The following TRHDE variants were observed in gnomAD, a reference collection of about 807,000 sequenced individuals.
TRHDE encodes thyrotropin releasing hormone degrading enzyme.
A neutral mutation model predicts 125.7 loss-of-function variants in TRHDE; 72 were observed. The observed-to-expected ratio is 0.57, with a 90% confidence interval of 0.47 to 0.70. The LOEUF (loss-of-function observed/expected upper bound fraction) is 0.70, where lower values mean the gene tolerates loss of function less well. Ranked by LOEUF, TRHDE falls within the 30% of genes least tolerant of loss-of-function variation. The probability of loss-of-function intolerance (pLI) is 0.00; values close to 1 mark genes in which losing one functional copy is unlikely to be tolerated. For missense variants in TRHDE, 1,110 were observed against 1,327.1 expected (o/e 0.84, Z 2.54); for synonymous variants, 509 against 509.1 (o/e 1.00, Z 0.00).
intron 3 of TRHDE, among the ~76,000 whole-genome samples, chr12:72,445,859 T>TC (rs978932451): frequency 6.6e-5 from 10 of 152,012 alleles, no homozygotes; most frequent in African/African-American, 1.2e-4. Context: ...CTTTCTTTTT[T>TC]CCCCCCGGCT....
At chr12:72,295,740 T>G (rs1226427055) in intron 2 of TRHDE, among the ~76,000 whole-genome samples, 1 of 152,206 alleles carries the variant, frequency 6.6e-6, no homozygotes, top group Admixed American at 6.5e-5. Flanking sequence ...AGTCTCATTT[T>G]AATGAGAGAA....
At chr12:72,538,573 T>G (rs1008126814) in intron 6 of TRHDE, among the ~76,000 whole-genome samples, 3 of 151,984 alleles carry the variant, frequency 2.0e-5, no homozygotes, top group Admixed American at 2.0e-4. Context: ...ATTCCCAATT[T>G]ATCTATTCAA....
chr12:72,608,391 G>T (rs543579627), intron 12 of TRHDE, among the ~76,000 whole-genome samples: 10 of 152,048 alleles, frequency 6.6e-5, no homozygotes, highest in Non-Finnish European at 1.5e-4. Flanking sequence ...ACCACATCCT[G>T]GTAATCTATT....
chr12:72,355,310 T>G (rs1050301294), intron 2 of TRHDE, among the ~76,000 whole-genome samples: 1 of 151,526 alleles, frequency 6.6e-6, no homozygotes, highest in Non-Finnish European at 1.5e-5. Flanking sequence ...TTAGAGAAGG[T>G]GTTCAAGATT....
At chr12:72,210,170 TG>T (rs1345664445) in intron 2 of TRHDE, among the ~76,000 whole-genome samples, 4 of 73,956 alleles carry the variant, frequency 5.4e-5, no homozygotes, top group Non-Finnish European at 1.1e-4. Context: ...TCTATAAGAT[TG>T]ATCTATCTAT....
intron 5 of TRHDE, among the ~76,000 whole-genome samples, chr12:72,495,066 T>TG (rs1248833589): frequency 4.4e-5 from 6 of 137,438 alleles, no homozygotes; most frequent in African/African-American, 7.9e-5. Flanking sequence ...CCCCGTTTTT[T>TG]TTTTTTTTTT....
intron 2 of TRHDE, among the ~76,000 whole-genome samples, chr12:72,152,406 T>C (rs1256421948): frequency 2.0e-5 from 3 of 151,998 alleles, no homozygotes; most frequent in Non-Finnish European, 2.9e-5. Flanking sequence ...CCTGCCTCAT[T>C]GCCCTGGCCA....
intron 6 of TRHDE, among the ~76,000 whole-genome samples, chr12:72,515,196 C>A (rs1169785501): frequency 4.4e-5 from 6 of 136,690 alleles, no homozygotes; most frequent in Non-Finnish European, 6.1e-5. Context: ...AGTTCTAGAT[C>A]CCTGAGGAAT....
chr12:72,263,734 A>G (rs886580077), intron 2 of TRHDE: 3 of 152,078 alleles, frequency 2.0e-5, no homozygotes, highest in Non-Finnish European at 4.4e-5. Context: ...TACTCATGGT[A>G]TTTGACTGCC....
At chr12:72,274,577 AC>A (rs1246406001) in intron 1 of TRHDE, 2 of 152,156 alleles carry the variant, frequency 1.3e-5, no homozygotes, top group African/African-American at 4.8e-5. Context: ...TCCGACAAGA[AC>A]CCTATGAGGT....
intron 2 of TRHDE, among the ~76,000 whole-genome samples, chr12:72,238,327 T>TA (rs1878398197): frequency 6.1e-5 from 2 of 32,956 alleles, no homozygotes; most frequent in Admixed American, 3.6e-4. Flanking sequence ...TATATACATA[T>TA]ATATATACAC....
intron 2 of TRHDE, among the ~76,000 whole-genome samples, chr12:72,177,670 C>G (rs538939087): frequency 2.6e-5 from 4 of 152,054 alleles, no homozygotes; most frequent in Admixed American, 2.6e-4. Flanking sequence ...GACAATAAAA[C>G]TATTTTCCCT....
intron 2 of TRHDE, among the ~76,000 whole-genome samples, chr12:72,362,428 A>C (rs909040611): frequency 6.6e-6 from 1 of 150,814 alleles, no homozygotes; most frequent in African/African-American, 2.4e-5. Flanking sequence ...TTTTCTTGTA[A>C]ATTTGTTTGA....
intron 2 of TRHDE, among the ~76,000 whole-genome samples, chr12:72,300,163 C>G (rs1880449693): frequency 6.6e-6 from 1 of 152,048 alleles, no homozygotes; most frequent in African/African-American, 2.4e-5. Flanking sequence ...TAGGTTTCAT[C>G]TCCTCATGCA....
chr12:72,493,870 G>A (rs904631155), intron 5 of TRHDE, among the ~76,000 whole-genome samples: 4 of 151,890 alleles, frequency 2.6e-5, no homozygotes, highest in African/African-American at 9.7e-5. Flanking sequence ...ACTCTACCCT[G>A]CCTAAGGCAG....
Position 72,554,739 on chromosome 12 carries a change from C to G in TRHDE, c.1789-7426C>G, listed in dbSNP as rs188821163. On this transcript the variant is annotated intron_variant, in intron 7 of 18. Coordinates refer to ENST00000261180, the MANE Select transcript of TRHDE (RefSeq NM_013381.3). ...TTTTACCAATAGATTCACTTTATGT[C>G]TCAGTAATATTTCATACCAGCAGCA... Among the ~76,000 whole-genome samples, 133 of 152,326 alleles carry G rather than the reference C, an allele frequency of 8.7e-4. 1 individual carries two copies. The highest frequency in any genetic ancestry group is 3.1e-3 in the African/African-American group (130 of 41,584).
chr12:72,519,707 G>A (rs1879080613), intron 6 of TRHDE, among the ~76,000 whole-genome samples: 1 of 152,202 alleles, frequency 6.6e-6, no homozygotes, highest in African/African-American at 2.4e-5. Flanking sequence ...TCCTTTGGAG[G>A]AGGAGAGGTG....
At chr12:72,415,645 G>C (rs547793860) in intron 3 of TRHDE, among the ~76,000 whole-genome samples, 1 of 147,828 alleles carries the variant, frequency 6.8e-6, no homozygotes, top group East Asian at 2.0e-4. Context: ...TGCACTATTT[G>C]TCTTCCTGTG....
intron 3 of TRHDE, among the ~76,000 whole-genome samples, chr12:72,448,849 A>G (rs1329157641): frequency 2.0e-5 from 3 of 148,950 alleles, no homozygotes; most frequent in Non-Finnish European, 3.0e-5. Flanking sequence ...TTTTTTTTGT[A>G]TGTGTGGAAG....
Sources: gnomAD v4.1 joint callset for allele counts (sites outside exome capture counted in the v4.1 genomes callset) on GRCh38, gnomAD v4.1.1 for gene constraint, MANE v1.5 for transcripts, NCBI Gene and HGNC (gene_info 2026-07-23, HGNC 2026-07-21) for gene names.